SKIC3: variants seen among roughly 807,000 people sequenced by gnomAD.
SKIC3 encodes superkiller complex protein 3.
At chr5:95,538,767 CTAAATA>C in the SKIC3 span, among the ~76,000 whole-genome samples, 1 of 151,874 alleles carries the variant, frequency 6.6e-6, no homozygotes, top group Non-Finnish European at 1.5e-5. Context: ...GTGAAAAATA[CTAAATA>C]TAAATATACT....
At chr5:95,536,544 A>C in the SKIC3 span, 1 of 385,210 alleles carries the variant, frequency 2.6e-6, no homozygotes, top group Non-Finnish European at 4.7e-6. Context: ...GTTTCTATAA[A>C]AAATTCAAGA....
At chr5:95,493,514 A>AATAT in the SKIC3 span, among the ~76,000 whole-genome samples, 2 of 152,038 alleles carry the variant, frequency 1.3e-5, no homozygotes, top group Non-Finnish European at 2.9e-5. Flanking sequence ...AAAACCTACC[A>AATAT]ATATATATAT....
the SKIC3 span, among the ~76,000 whole-genome samples, chr5:95,549,954 G>A: frequency 6.6e-6 from 1 of 151,686 alleles, no homozygotes. Context: ...TTTCTAACAC[G>A]TCAAAGAAAC....
the SKIC3 span, chr5:95,509,745 A>G: frequency 8.7e-7 from 1 of 1,154,832 alleles, no homozygotes; most frequent in Non-Finnish European, 1.3e-6. Flanking sequence ...TTAACAAAAT[A>G]TTCGTTTTAT....
the SKIC3 span, among the ~76,000 whole-genome samples, chr5:95,533,995 T>C: frequency 1.3e-5 from 2 of 152,128 alleles, no homozygotes; most frequent in Non-Finnish European, 2.9e-5. Flanking sequence ...GCTGAGGTAA[T>C]GGTGAAAACC....
chr5:95,510,664 T>C, the SKIC3 span, among the ~76,000 whole-genome samples: 1 of 152,138 alleles, frequency 6.6e-6, no homozygotes, highest in Non-Finnish European at 1.5e-5. Context: ...TAATCAGCAC[T>C]CCCTACTCAC....
At chr5:95,521,484 G>GA in the SKIC3 span, 37 of 143,466 alleles carry the variant, frequency 2.6e-4, no homozygotes, top group Non-Finnish European at 3.1e-4. Context: ...AAAACAAACA[G>GA]AAAAAAAAAA....
At chr5:95,506,605 G>A in the SKIC3 span, among the ~76,000 whole-genome samples, 2 of 151,994 alleles carry the variant, frequency 1.3e-5, no homozygotes, top group East Asian at 1.9e-4. Flanking sequence ...GTCCCTCCCC[G>A]GTTTAATAAT....
At chr5:95,481,109 T>C in the SKIC3 span, among the ~76,000 whole-genome samples, 1 of 152,104 alleles carries the variant, frequency 6.6e-6, no homozygotes, top group Admixed American at 6.6e-5. Flanking sequence ...TTGTGAATTA[T>C]ATCATAATAT....
the SKIC3 span, among the ~76,000 whole-genome samples, chr5:95,530,694 C>T: frequency 1.3e-5 from 2 of 152,186 alleles, no homozygotes; most frequent in African/African-American, 4.8e-5. Flanking sequence ...GGACACTGCA[C>T]AAAGACTTAG....
the SKIC3 span, chr5:95,547,132 T>C: frequency 2.5e-6 from 4 of 1,613,130 alleles, no homozygotes; most frequent in Non-Finnish European, 3.4e-6. Context: ...AGAGCAGTCT[T>C]CACTTCCTTG....
the SKIC3 span, among the ~76,000 whole-genome samples, chr5:95,518,992 G>A: frequency 6.6e-6 from 1 of 151,174 alleles, no homozygotes; most frequent in Admixed American, 6.6e-5. Flanking sequence ...TTGAATAACA[G>A]ACATCCTAAC....
At chr5:95,492,692 AGAC>A in the SKIC3 span, among the ~76,000 whole-genome samples, 1 of 131,464 alleles carries the variant, frequency 7.6e-6, no homozygotes, top group African/African-American at 3.0e-5. Flanking sequence ...AAAAAAAACA[AGAC>A]AACTAAACTA....
chr5:95,474,214 G>T, the SKIC3 span, among the ~76,000 whole-genome samples: 5 of 152,140 alleles, frequency 3.3e-5, no homozygotes, highest in Non-Finnish European at 7.3e-5. Flanking sequence ...AGATCAGATG[G>T]TTGTAGGTGT....
the SKIC3 span, chr5:95,540,612 C>T: frequency 6.4e-7 from 1 of 1,551,670 alleles, no homozygotes; most frequent in Non-Finnish European, 8.9e-7. Flanking sequence ...TGACAATGAT[C>T]AATTATGTTT....
the SKIC3 span, chr5:95,522,329 G>C: frequency 1.4e-5 from 22 of 1,611,424 alleles, 2 homozygotes; most frequent in Admixed American, 1.8e-4. Flanking sequence ...AAAACCGTAA[G>C]AGAACTAAAA....
At chr5:95,475,372 A>G in the SKIC3 span, among the ~76,000 whole-genome samples, 2 of 152,084 alleles carry the variant, frequency 1.3e-5, no homozygotes, top group Non-Finnish European at 2.9e-5. Flanking sequence ...CCCCCTTGGT[A>G]CTATACACTG....
At chr5:95,517,660 G>C in the SKIC3 span, among the ~76,000 whole-genome samples, 1 of 152,180 alleles carries the variant, frequency 6.6e-6, no homozygotes, top group South Asian at 2.1e-4. Context: ...TATGCTTTTT[G>C]TGTTTAAGCA....
the SKIC3 span, among the ~76,000 whole-genome samples, chr5:95,514,304 A>G: frequency 6.6e-6 from 1 of 152,184 alleles, no homozygotes; most frequent in Non-Finnish European, 1.5e-5. Flanking sequence ...TAAGGTAAAA[A>G]AAGAAAAAAA....
Sources: allele counts gnomAD v4.1 joint callset (sites outside exome capture counted in the v4.1 genomes callset), GRCh38; gene constraint gnomAD v4.1.1; transcripts MANE v1.5; gene names NCBI Gene and HGNC (gene_info 2026-07-23, HGNC 2026-07-21).